Variants in KSR1 observed in about 807,000 individuals in gnomAD.
The protein encoded by KSR1 is kinase suppressor of ras 1.
In KSR1, 35 loss-of-function variants were observed where a neutral mutation model predicts 92.9. That is an observed-to-expected ratio of 0.38 (90% CI 0.29 to 0.50). KSR1 has a LOEUF of 0.50. Ranked by LOEUF, KSR1 falls within the 20% of genes least tolerant of loss-of-function variation. The pLI, the probability that KSR1 is intolerant of heterozygous loss-of-function variation, is 0.94. For synonymous variants in KSR1, 467 were observed against 472.6 expected, an observed-to-expected ratio of 0.99 and a Z score of 0.15; for missense variants, 972 against 1,158.5, an observed-to-expected ratio of 0.84 and a Z score of 2.34.
At position 27,606,690 on chromosome 17, in the gene KSR1, C is replaced by T. The variant is rs1441612154; in HGVS notation, c.1994+877C>T. 2.0e-5 allele frequency among the ~76,000 whole-genome samples: 3 copies of T among 150,848 alleles called. No individual in the cohort carries two copies. In the East Asian group the frequency reaches 5.8e-4, roughly 29 times the overall value. On this transcript the variant is annotated intron_variant, in intron 14 of 20. Transcript: ENST00000644974. ...CTCACCATGGTCAATTTCAGACTAC[C>T]AATGTTATCTCCTGGAGTGGAGTAG...
At chr17:27,521,353 T>G (rs1378846128) in intron 1 of KSR1, among the ~76,000 whole-genome samples, 1 of 149,892 alleles carries the variant, frequency 6.7e-6, no homozygotes, top group Non-Finnish European at 1.5e-5. Context: ...TTTTTTTTTT[T>G]GAAACAGGGT....
rs2074282403 is a variant in KSR1, at chr17:27,623,591, A to G, written c.*199A>G. 4.7e-6 allele frequency: 3 copies of G among 632,436 alleles called. No homozygotes were observed. In the South Asian group the frequency reaches 5.4e-5, roughly 11 times the overall value. 39.2% of individuals were successfully genotyped at this position (632,436 alleles called of 1,614,324 possible). A position where few individuals can be genotyped will look rare whatever the true frequency, so the allele number is the denominator to read the frequency against. On this transcript the variant is annotated 3_prime_UTR_variant, in exon 21 of 21. Coordinates refer to ENST00000644974, the MANE Select transcript of KSR1 (RefSeq NM_001394583.1). The stretch of plus-strand genomic sequence containing the variant: ...TGCTATTTCTTAAAATGACACCACC[A>G]ACAACCAAACCTGTCATGACAGACA...
chr17:27,609,693 A>T, intron 16 of KSR1: 1 of 332,964 alleles, frequency 3.0e-6, no homozygotes. Context: ...AGGGGAACCC[A>T]AAAGGGAGCA....
intron 1 of KSR1, among the ~76,000 whole-genome samples, chr17:27,491,906 T>C (rs7224749): frequency 0.89 from 135,860 of 152,152 alleles, 60,774 homozygotes; most frequent in East Asian, 1. Context: ...ACTCCTGCTA[T>C]ACTCTGCTCA....
chr17:27,567,558 C>A lies in KSR1; in HGVS notation c.373-9934C>A, dbSNP rs187587834. Among the ~76,000 whole-genome samples the A allele has an allele frequency of 3.6e-3, 546 of 152,318 alleles. 1 individual carries two copies. The highest frequency in any genetic ancestry group is 6.0e-3 in the Non-Finnish European group (411 of 68,018). ...TCAGGTGAGGCCACGAGCCCAGAGCCGCATTGCTTCTGGATTGCACAGGGC... is the reference window on the plus strand; with the variant it reads ...TCAGGTGAGGCCACGAGCCCAGAGCAGCATTGCTTCTGGATTGCACAGGGC... On this transcript the variant is annotated intron_variant, in intron 2 of 20. Coordinates refer to ENST00000644974, the MANE Select transcript of KSR1 (RefSeq NM_001394583.1).
At chr17:27,596,849 C>T (rs1443436119) in intron 9 of KSR1, among the ~76,000 whole-genome samples, 1 of 152,246 alleles carries the variant, frequency 6.6e-6, no homozygotes, top group Non-Finnish European at 1.5e-5. Flanking sequence ...GAGCCAGTCA[C>T]TGAGTATGTG....
intron 1 of KSR1, among the ~76,000 whole-genome samples, chr17:27,494,513 T>A (rs2150967469): frequency 6.6e-6 from 1 of 152,284 alleles, no homozygotes; most frequent in East Asian, 1.9e-4. Flanking sequence ...GCCTGGTCAG[T>A]GCCTTAAATG....
intron 2 of KSR1, among the ~76,000 whole-genome samples, chr17:27,569,142 T>G (rs2072205077): frequency 6.6e-6 from 1 of 152,376 alleles, no homozygotes; most frequent in Admixed American, 6.5e-5. Context: ...TAAAAAGAAT[T>G]AAAATTTTAC....
At chr17:27,486,114 C>T (rs1050307794) in intron 1 of KSR1, among the ~76,000 whole-genome samples, 1 of 152,212 alleles carries the variant, frequency 6.6e-6, no homozygotes, top group Non-Finnish European at 1.5e-5. Flanking sequence ...TTCTGGCCTC[C>T]AATACATGAA....
chr17:27,497,622 GT>G (rs567664925), intron 1 of KSR1, among the ~76,000 whole-genome samples: 9 of 152,278 alleles, frequency 5.9e-5, no homozygotes, highest in Non-Finnish European at 1.0e-4. Flanking sequence ...AGTTATGCTT[GT>G]TTTTATGGAA....
intron 2 of KSR1, among the ~76,000 whole-genome samples, chr17:27,575,259 C>T (rs1296386954): frequency 6.6e-6 from 1 of 152,174 alleles, no homozygotes; most frequent in Non-Finnish European, 1.5e-5. Context: ...ATATGCTAAA[C>T]TGGGGTAGAT....
chr17:27,518,553 C>A (rs2069892536), intron 1 of KSR1, among the ~76,000 whole-genome samples: 1 of 152,220 alleles, frequency 6.6e-6, no homozygotes, highest in African/African-American at 2.4e-5. Flanking sequence ...TGCCCCCTCT[C>A]TACAAGGCAC....
intron 11 of KSR1, chr17:27,602,072 GA>G: frequency 1.5e-6 from 1 of 687,258 alleles, no homozygotes; most frequent in Non-Finnish European, 2.5e-6. Context: ...TACTGTAACT[GA>G]AGGTGATGAG....
At chr17:27,476,186 AG>A (rs1798617290) in intron 1 of KSR1, among the ~76,000 whole-genome samples, 1 of 152,154 alleles carries the variant, frequency 6.6e-6, no homozygotes. Flanking sequence ...GCGATTCTTG[AG>A]CCCCCACCCC....
intron 9 of KSR1, among the ~76,000 whole-genome samples, chr17:27,594,079 A>C (rs1490834102): frequency 6.6e-6 from 1 of 152,100 alleles, no homozygotes; most frequent in Non-Finnish European, 1.5e-5. Context: ...AGTCATTCAG[A>C]CCACAGCAGC....
intron 1 of KSR1, among the ~76,000 whole-genome samples, chr17:27,513,993 G>A (rs1201270335): frequency 6.6e-6 from 1 of 152,244 alleles, no homozygotes; most frequent in Non-Finnish European, 1.5e-5. Context: ...GAGTCTCCAG[G>A]CCACTGCTTG....
chr17:27,482,099 G>A (rs1383149656), intron 1 of KSR1, among the ~76,000 whole-genome samples: 1 of 152,172 alleles, frequency 6.6e-6, no homozygotes, highest in Non-Finnish European at 1.5e-5. Flanking sequence ...TGGTGGTGCT[G>A]AGAAAGAAGA....
intron 3 of KSR1, among the ~76,000 whole-genome samples, 156 bp from the exon 4 acceptor site, chr17:27,582,490 G>A (rs553635510): frequency 4.9e-4 from 75 of 152,234 alleles, no homozygotes; most frequent in Admixed American, 4.4e-3. Context: ...ATGAGTGAGC[G>A]GCCTTTATAA....
chr17:27,550,792 C>T (rs1006649331), intron 2 of KSR1, 84 bp downstream of exon 2: 31 of 693,138 alleles, frequency 4.5e-5, no homozygotes, highest in African/African-American at 1.0e-4. Flanking sequence ...CTAGCTTCCC[C>T]GTGGCTAAGA....
Sources: allele counts gnomAD v4.1 joint callset (sites outside exome capture counted in the v4.1 genomes callset), GRCh38; gene constraint gnomAD v4.1.1; transcripts MANE v1.5; gene names NCBI Gene and HGNC (gene_info 2026-07-23, HGNC 2026-07-21).